Variants in ADGRL2 observed in about 807,000 individuals in gnomAD.
ADGRL2 encodes the protein adhesion G protein-coupled receptor L2, also known as calcium-independent alpha-latrotoxin receptor 2.
Under a neutral mutation model 157.4 loss-of-function variants are expected in ADGRL2, and 44 were observed. The observed-to-expected ratio is 0.28, with a 90% CI of 0.22 to 0.36. ADGRL2 has a LOEUF of 0.36. ADGRL2 is among the 10% of genes least tolerant of loss of function. The pLI is 1.00. For synonymous variants in ADGRL2, 585 were observed against 624.7 expected (o/e 0.94, Z 0.95); for missense variants, 1,510 against 1,768.9 (o/e 0.85, Z 2.63).
intron 2 of ADGRL2, among the ~76,000 whole-genome samples, chr1:81,482,461 G>A (rs1163374149): frequency 1.3e-5 from 1 of 75,032 alleles, no homozygotes; most frequent in Non-Finnish European, 2.7e-5. Context: ...TTTAAAATAA[G>A]GCGAATAGCT....
chr1:81,818,084 T>G (rs1424728657), intron 1 of ADGRL2, among the ~76,000 whole-genome samples: 1 of 152,020 alleles, frequency 6.6e-6, no homozygotes, highest in African/African-American at 2.4e-5. Context: ...GTGGGAGGAT[T>G]GCTTGAGCCC....
chr1:81,853,272 A>G (rs1326772797), intron 2 of ADGRL2, among the ~76,000 whole-genome samples: 5 of 152,148 alleles, frequency 3.3e-5, no homozygotes, highest in African/African-American at 9.7e-5. Flanking sequence ...TTTGCTAATT[A>G]TCCTTCACCT....
intron 3 of ADGRL2, among the ~76,000 whole-genome samples, chr1:81,912,814 C>T (rs1188602573): frequency 1.3e-5 from 2 of 151,988 alleles, no homozygotes; most frequent in Non-Finnish European, 2.9e-5. Flanking sequence ...TTAGGATTTT[C>T]GAGATAGGAG....
chr1:81,653,459 G>A (rs1292721729), intron 3 of ADGRL2, among the ~76,000 whole-genome samples: 1 of 151,890 alleles, frequency 6.6e-6, no homozygotes, highest in African/African-American at 2.4e-5. Context: ...AAGAGATCCT[G>A]AAAAGGGGAG....
chr1:81,724,359 A>T (rs1371994362), intron 1 of ADGRL2, among the ~76,000 whole-genome samples: 1 of 152,180 alleles, frequency 6.6e-6, no homozygotes, highest in Non-Finnish European at 1.5e-5. Context: ...TTTGAAAATA[A>T]TAAGGTTTGA....
At chr1:81,968,331 T>C in intron 14 of ADGRL2, 132 bp downstream of exon 14, 1 of 733,754 alleles carries the variant, frequency 1.4e-6, no homozygotes, top group Non-Finnish European at 2.3e-6. Context: ...TTCTAATTGT[T>C]TCTACACTGT....
chr1:81,648,662 T>C (rs954024640), intron 3 of ADGRL2, among the ~76,000 whole-genome samples: 1 of 152,126 alleles, frequency 6.6e-6, no homozygotes, highest in African/African-American at 2.4e-5. Flanking sequence ...TGATCCTGCT[T>C]GAAGGATGGG....
At chr1:81,340,508 T>C (rs943012223) in intron 1 of ADGRL2, among the ~76,000 whole-genome samples, 3 of 152,136 alleles carry the variant, frequency 2.0e-5, no homozygotes, top group Non-Finnish European at 4.4e-5. Flanking sequence ...AGGAAGGGAA[T>C]TAAATTGCAG....
Position 81,354,779 on chromosome 1 carries a change from T to C in ADGRL2, c.-302+48270T>C, listed in dbSNP as rs1663157696. ...CAGCAAGCTTGCAAGGACAGAAATA[T>C]ATGCCTGTATTCCTCGCTGTCAACT... On this transcript the variant is annotated intron_variant, in intron 1 of 24. Coordinates refer to the ADGRL2 transcript ENST00000370721. Among the ~76,000 whole-genome samples, 2 of 152,220 alleles carry C rather than the reference T, an allele frequency of 1.3e-5. 1 individual carries two copies. Among genetic ancestry groups the C allele is most frequent in the South Asian group, 4.1e-4 (2 of 4,832 alleles).
intron 2 of ADGRL2, among the ~76,000 whole-genome samples, chr1:81,536,919 A>G (rs1265646460): frequency 3.9e-5 from 6 of 152,190 alleles, no homozygotes; most frequent in Non-Finnish European, 1.5e-5. Context: ...TTAAATCACA[A>G]CATACTTATG....
chr1:81,781,173 T>C (rs2086797725), intron 2 of ADGRL2, among the ~76,000 whole-genome samples: 1 of 152,198 alleles, frequency 6.6e-6, no homozygotes. Context: ...ACTCAATAGC[T>C]ACACAGTATG....
At chr1:81,523,169 G>T (rs1202865054) in intron 2 of ADGRL2, among the ~76,000 whole-genome samples, 1 of 152,092 alleles carries the variant, frequency 6.6e-6, no homozygotes. Context: ...TGGATGAGAA[G>T]ATATATCATA....
At chr1:81,320,976 A>C (rs1660462519) in intron 1 of ADGRL2, among the ~76,000 whole-genome samples, 1 of 152,196 alleles carries the variant, frequency 6.6e-6, no homozygotes, top group Admixed American at 6.5e-5. Context: ...TCTGTTTCCA[A>C]TATAAGGCTG....
At chr1:81,970,248 A>G in intron 15 of ADGRL2, 66 bp from the exon 16 acceptor site, 1 of 1,024,550 alleles carries the variant, frequency 9.8e-7, no homozygotes, top group East Asian at 2.4e-5. Flanking sequence ...AGTATTTTAT[A>G]ATTTTGGAGT....
At chr1:81,951,446 A>T (rs951542921) in intron 8 of ADGRL2, among the ~76,000 whole-genome samples, 10 of 152,180 alleles carry the variant, frequency 6.6e-5, no homozygotes, top group Non-Finnish European at 1.5e-4. Context: ...GAATCCACAG[A>T]ATGCAAGCAG....
At chr1:81,799,944 T>G (rs1404042874), upstream of ADGRL2, among the ~76,000 whole-genome samples, 1 of 152,188 alleles carries the variant, frequency 6.6e-6, no homozygotes, top group African/African-American at 2.4e-5. Flanking sequence ...TAACTGGCTT[T>G]TAAACGTTTT....
chr1:81,809,567 T>C (rs1046573848), intron 1 of ADGRL2, among the ~76,000 whole-genome samples: 19 of 151,974 alleles, frequency 1.3e-4, no homozygotes, highest in Non-Finnish European at 2.7e-4. Flanking sequence ...TGTCTTTTTT[T>C]CTGAATGAAT....
intron 3 of ADGRL2, among the ~76,000 whole-genome samples, chr1:81,693,861 T>C (rs952275214): frequency 2.0e-5 from 3 of 152,168 alleles, no homozygotes; most frequent in Admixed American, 6.5e-5. Context: ...GCCCGAGTTA[T>C]TGATTCATCC....
At chr1:81,813,802 CT>C (rs2090116264) in intron 1 of ADGRL2, among the ~76,000 whole-genome samples, 1 of 151,408 alleles carries the variant, frequency 6.6e-6, no homozygotes, top group Admixed American at 6.6e-5. Context: ...AGTTCATTAC[CT>C]TTTTTCCCCC....
Sources: allele counts gnomAD v4.1 joint callset (sites outside exome capture counted in the v4.1 genomes callset), GRCh38; gene constraint gnomAD v4.1.1; transcripts MANE v1.5; gene names NCBI Gene and HGNC (gene_info 2026-07-23, HGNC 2026-07-21).